Variants in FHIT observed in about 807,000 individuals in gnomAD.
FHIT encodes fragile histidine triad diadenosine triphosphatase.
Under a neutral mutation model 17.9 loss-of-function variants are expected in FHIT, and 19 were observed. That is an observed-to-expected ratio of 1.06 (90% CI 0.74 to 1.56). FHIT has a LOEUF of 1.56. Ranked by LOEUF, FHIT falls within the 40% of genes most tolerant of loss-of-function variation. The pLI, the probability that FHIT is intolerant of heterozygous loss-of-function variation, is 0.00. For synonymous variants in FHIT, 81 were observed against 69.7 expected (o/e 1.16, Z -0.81); for missense variants, 248 against 189.2 (o/e 1.31, Z -1.82).
intron 5 of FHIT, among the ~76,000 whole-genome samples, chr3:60,195,370 G>A (rs955408488): frequency 2.0e-5 from 3 of 151,444 alleles, no homozygotes; most frequent in Non-Finnish European, 2.9e-5. Context: ...AGATCTAAAA[G>A]TTGACCTACC....
intron 4 of FHIT, among the ~76,000 whole-genome samples, chr3:60,548,388 C>T (rs2036439255): frequency 6.6e-6 from 1 of 152,022 alleles, no homozygotes; most frequent in Non-Finnish European, 1.5e-5. Context: ...AAATAGAGAA[C>T]AATAAATACA....
chr3:60,953,269 T>C (rs1159614534), intron 3 of FHIT, among the ~76,000 whole-genome samples: 4 of 152,202 alleles, frequency 2.6e-5, no homozygotes, highest in African/African-American at 9.7e-5. Context: ...TGTTTGCATG[T>C]CTGTCTTTCC....
At chr3:60,762,929 T>C (rs1699708867) in intron 4 of FHIT, among the ~76,000 whole-genome samples, 1 of 152,300 alleles carries the variant, frequency 6.6e-6, no homozygotes, top group East Asian at 1.9e-4. Flanking sequence ...TTCATAATCA[T>C]GTGAGTGAAC....
intron 8 of FHIT, among the ~76,000 whole-genome samples, chr3:59,845,753 T>G (rs1420927092): frequency 6.6e-6 from 1 of 152,146 alleles, no homozygotes; most frequent in African/African-American, 2.4e-5. Flanking sequence ...TATGCTGTTG[T>G]TAGGTAGAGT....
chr3:60,147,683 C>G (rs1030906345), intron 5 of FHIT, among the ~76,000 whole-genome samples: 7 of 152,138 alleles, frequency 4.6e-5, no homozygotes, highest in Admixed American at 4.6e-4. Context: ...AAACCCTGAG[C>G]AAATTTTTTT....
intron 5 of FHIT, among the ~76,000 whole-genome samples, chr3:60,458,505 G>A (rs1051763740): frequency 5.3e-5 from 8 of 151,482 alleles, no homozygotes; most frequent in African/African-American, 1.9e-4. Context: ...GAGTTAATGG[G>A]TGCAGCACAC....
chr3:60,911,092 G>A (rs1706717536), intron 3 of FHIT, among the ~76,000 whole-genome samples: 1 of 152,050 alleles, frequency 6.6e-6, no homozygotes, highest in African/African-American at 2.4e-5. Context: ...CTATCATTTT[G>A]TTTTTGTCCG....
At chr3:60,884,724 A>T (rs1323230355) in intron 3 of FHIT, among the ~76,000 whole-genome samples, 1 of 151,910 alleles carries the variant, frequency 6.6e-6, no homozygotes, top group Non-Finnish European at 1.5e-5. Context: ...TGAGCCCAGG[A>T]GTTTGAGACC....
intron 5 of FHIT, among the ~76,000 whole-genome samples, chr3:60,126,664 G>C (rs1043746584): frequency 1.3e-5 from 2 of 152,164 alleles, no homozygotes; most frequent in African/African-American, 4.8e-5. Context: ...ATTCAAGCCA[G>C]AGTCAACCCA....
At chr3:59,786,333 G>T (rs1699293758) in intron 8 of FHIT, among the ~76,000 whole-genome samples, 1 of 152,130 alleles carries the variant, frequency 6.6e-6, no homozygotes, top group African/African-American at 2.4e-5. Context: ...ACAGAAGCTG[G>T]CAAGACATGG....
chr3:59,955,299 G>A (rs548263028), intron 7 of FHIT, among the ~76,000 whole-genome samples: 7 of 152,270 alleles, frequency 4.6e-5, no homozygotes, highest in Admixed American at 6.5e-5. Flanking sequence ...CCCCGGCACC[G>A]GCTCCTGGGA....
chr3:60,755,114 C>G (rs1553717953), intron 4 of FHIT, among the ~76,000 whole-genome samples: 2 of 152,184 alleles, frequency 1.3e-5, no homozygotes, highest in Non-Finnish European at 2.9e-5. Flanking sequence ...ATAAATCCTA[C>G]CAATACCTCA....
intron 5 of FHIT, among the ~76,000 whole-genome samples, chr3:60,133,198 C>T (rs1281139747): frequency 6.6e-6 from 1 of 152,110 alleles, no homozygotes; most frequent in Non-Finnish European, 1.5e-5. Context: ...TGAAGGAGGG[C>T]TATACCCCAA....
intron 5 of FHIT, among the ~76,000 whole-genome samples, chr3:60,141,607 A>C (rs1700042128): frequency 6.6e-6 from 1 of 152,172 alleles, no homozygotes; most frequent in Admixed American, 6.6e-5. Flanking sequence ...ATATGTCAAC[A>C]AATATATTCA....
chr3:61,186,066 C>T (rs917064597), intron 2 of FHIT, among the ~76,000 whole-genome samples: 3 of 152,212 alleles, frequency 2.0e-5, no homozygotes, highest in Admixed American at 6.5e-5. Flanking sequence ...TCATATTTCA[C>T]ATTCAATTTT....
chr3:60,392,309 G>T (rs1055071846), intron 5 of FHIT, among the ~76,000 whole-genome samples: 1 of 152,148 alleles, frequency 6.6e-6, no homozygotes, highest in Non-Finnish European at 1.5e-5. Context: ...TGGTAAAGTC[G>T]CTGATGCTTT....
rs2039299748 is a variant in FHIT, at chr3:60,626,783, CTCTTTT to C, written c.-17-89810_-17-89805del. ...TTCTTCCTTATCTTAGGGGAAAACA[CTCTTTT>C]TTTTTTTTTTTTTTACGTTAAGTAT... On this transcript the variant is annotated intron_variant, in intron 4 of 9. Coordinates refer to ENST00000492590, the MANE Select transcript of FHIT (RefSeq NM_002012.4). 4.7e-5 allele frequency among the ~76,000 whole-genome samples: 4 copies of C among 85,956 alleles called. 1 individual carries two copies. In the South Asian group the frequency reaches 1.3e-3, roughly 28 times the overall value. 56.4% of individuals were successfully genotyped at this position (85,956 alleles called of 152,430 possible). A position where few individuals can be genotyped will look rare whatever the true frequency, so the allele number is the denominator to read the frequency against.
chr3:60,683,531 A>T (rs570329570), intron 4 of FHIT, among the ~76,000 whole-genome samples: 443 of 151,888 alleles, frequency 2.9e-3, no homozygotes, highest in Non-Finnish European at 3.4e-3. Flanking sequence ...AAGATAACAT[A>T]TTTTTTTATA....
chr3:60,158,280 A>C (rs1037555740), intron 5 of FHIT, among the ~76,000 whole-genome samples: 2 of 152,068 alleles, frequency 1.3e-5, no homozygotes, highest in Non-Finnish European at 2.9e-5. Context: ...CTCTGAGACC[A>C]TGATAAAGTA....
Sources: allele counts gnomAD v4.1 joint callset (sites outside exome capture counted in the v4.1 genomes callset), GRCh38; gene constraint gnomAD v4.1.1; transcripts MANE v1.5; gene names NCBI Gene and HGNC (gene_info 2026-07-23, HGNC 2026-07-21).